GCC2: variants seen among roughly 807,000 people sequenced by gnomAD.
GCC2 encodes GRIP and coiled-coil domain-containing protein 2.
In GCC2, 120 loss-of-function variants were observed where a neutral mutation model predicts 210.6. That is an observed-to-expected ratio of 0.57 (90% CI 0.49 to 0.66). GCC2 has a LOEUF of 0.66. Among genes scored for constraint, GCC2 ranks in the 30% least tolerant of loss-of-function variants. The probability of loss-of-function intolerance (pLI) is 0.00; values close to 1 mark genes in which losing one functional copy is unlikely to be tolerated. For missense variants in GCC2, 1,868 were observed against 1,871.9 expected (o/e 1.00, Z 0.04); for synonymous variants, 703 against 652.7 (o/e 1.08, Z -1.17).
chr2:108,470,178 A>G lies in GCC2; in HGVS notation c.849A>G (p.Gln283=). 1 of 1,613,498 alleles carries G rather than the reference A, an allele frequency of 6.2e-7. No homozygotes were observed. The highest frequency in any genetic ancestry group is 8.5e-7 in the Non-Finnish European group (1 of 1,179,810). Residue 283 remains glutamine (Q), a synonymous_variant, in exon 6 of 23, where the codon CAA becomes CAG. Transcript: ENST00000309863. ...AGCTAAAAGAGAACTTAGTAAAACAATGTGAGGCAAGTGAAAAGAACATCC... is the reference window on the plus strand; with the variant it reads ...AGCTAAAAGAGAACTTAGTAAAACAGTGTGAGGCAAGTGAAAAGAACATCC... ...LNELKENLVK[Q]CEASEKNIQK...
At chr2:108,476,857 T>C (rs1054764804) in intron 9 of GCC2, among the ~76,000 whole-genome samples, 3 of 151,788 alleles carry the variant, frequency 2.0e-5, no homozygotes, top group Non-Finnish European at 4.4e-5. Flanking sequence ...ATACATACTG[T>C]GTAGAAAAGT....
chr2:108,473,776 GATGTTAGA>G (rs1483288267), intron 7 of GCC2, among the ~76,000 whole-genome samples: 1 of 152,100 alleles, frequency 6.6e-6, no homozygotes, highest in African/African-American at 2.4e-5. Context: ...TCCAAGTAAA[GATGTTAGA>G]ATGCTATGCA....
rs1681875611 is a variant in GCC2 at position 108,481,912 on chromosome 2, C to T, written c.3180+96C>T. On this transcript the variant is annotated intron_variant, in intron 10 of 22. Transcript: ENST00000309863. ...AAAATTTAAAAAATATAGTCGGAAA[C>T]AGAATTTATTCCCCCCCCACTTTAC... 5 of 881,820 alleles carry T rather than the reference C, an allele frequency of 5.7e-6. No individual in the cohort carries two copies. The African/African-American group carries it at 8.6e-5, about 15-fold the overall frequency. 54.6% of individuals were successfully genotyped at this position (881,820 alleles called of 1,614,324 possible). A position where few individuals can be genotyped will look rare whatever the true frequency, so the allele number is the denominator to read the frequency against.
intron 4 of GCC2, among the ~76,000 whole-genome samples, chr2:108,455,468 C>T (rs1199813570): frequency 6.6e-6 from 1 of 151,874 alleles, no homozygotes; most frequent in East Asian, 1.9e-4. Context: ...CCAAGTTAGC[C>T]AACTTTACCT....
chr2:108,454,580 A>G (rs775692335), intron 4 of GCC2, among the ~76,000 whole-genome samples: 5 of 152,230 alleles, frequency 3.3e-5, no homozygotes, highest in Non-Finnish European at 7.3e-5. Flanking sequence ...CAGTACAACT[A>G]TATGTTAATT....
intron 17 of GCC2, among the ~76,000 whole-genome samples, chr2:108,488,526 C>T (rs1682255944): frequency 6.6e-6 from 1 of 152,152 alleles, no homozygotes; most frequent in African/African-American, 2.4e-5. Context: ...ATTAATTTAG[C>T]TAAACAGAAG....
rs1386969618 is a variant in GCC2, at chr2:108,470,125, C to A, written c.796C>A (p.His266Asn). ...MCQIEASAKEHEAEINKLNEL... is the reference protein window; with the variant it reads ...MCQIEASAKENEAEINKLNEL... Reference sequence around the variant, plus strand: ...CCAGATTGAAGCATCAGCTAAGGAACATGAAGCAGAGATAAATAAGTTGAA... The same window carrying A: ...CCAGATTGAAGCATCAGCTAAGGAAAATGAAGCAGAGATAAATAAGTTGAA... Residue 266 changes from histidine (H) to asparagine (N), a missense_variant, in exon 6 of 23, where the codon CAT becomes AAT. By Grantham distance (68) the His-to-Asn change is moderately conservative. Coordinates refer to ENST00000309863, the MANE Select transcript of GCC2 (RefSeq NM_181453.4). The A allele has an allele frequency of 2.5e-6, 4 of 1,613,508 alleles. No individual in the cohort carries two copies. The highest frequency in any genetic ancestry group is 3.4e-6 in the Non-Finnish European group (4 of 1,179,820).
intron 9 of GCC2, among the ~76,000 whole-genome samples, chr2:108,476,054 CTTTTTTTTTTTT>C (rs56236751): frequency 2.4e-4 from 23 of 96,310 alleles, no homozygotes; most frequent in African/African-American, 3.8e-4. Flanking sequence ...TAGTGGCTTG[CTTTTTTTTTTTT>C]TTTTTTTTTT....
chr2:108,456,948 TAA>T (rs59458748), intron 4 of GCC2, among the ~76,000 whole-genome samples: 155 of 133,658 alleles, frequency 1.2e-3, no homozygotes, highest in East Asian at 2.6e-3. Context: ...AGCCCTTACA[TAA>T]AAAAAAAAAA....
At position 108,500,632 on chromosome 2, in the gene GCC2, T is replaced by G. The variant is rs574310311; in HGVS notation, c.4984+878T>G. ...AATGCTTCATATACAACTGCTATAGTTAACTGAATTCAAGCTGCATCTTAA... is the reference window on the plus strand; with the variant it reads ...AATGCTTCATATACAACTGCTATAGGTAACTGAATTCAAGCTGCATCTTAA... On this transcript the variant is annotated intron_variant, in intron 22 of 22. Transcript: ENST00000309863. 3.3e-5 allele frequency among the ~76,000 whole-genome samples: 5 copies of G among 152,386 alleles called. No individual in the cohort carries two copies. The South Asian group carries it at 1.0e-3, about 32-fold the overall frequency.
chr2:108,465,474 C>A (rs1229647375), intron 4 of GCC2, among the ~76,000 whole-genome samples: 3 of 152,170 alleles, frequency 2.0e-5, no homozygotes, highest in African/African-American at 7.2e-5. Context: ...ATTATACCTA[C>A]TGTGTAGTTT....
chr2:108,452,064 G>A (rs994409335), intron 3 of GCC2, among the ~76,000 whole-genome samples: 4 of 151,872 alleles, frequency 2.6e-5, no homozygotes, highest in Non-Finnish European at 5.9e-5. Flanking sequence ...GGCTGTTCTC[G>A]ATAACGTTTA....
chr2:108,476,810 C>T (rs913424310), intron 9 of GCC2, among the ~76,000 whole-genome samples: 1 of 151,850 alleles, frequency 6.6e-6, no homozygotes, highest in Non-Finnish European at 1.5e-5. Context: ...TAAAAAAATC[C>T]CAATGGCAAT....
At chr2:108,505,681 C>T (rs1410477068) in intron 22 of GCC2, among the ~76,000 whole-genome samples, 1 of 151,790 alleles carries the variant, frequency 6.6e-6, no homozygotes, top group Non-Finnish European at 1.5e-5. Context: ...GAAGTAGATT[C>T]TTCTCCAGTC....
At chr2:108,494,387 A>C (rs1009345298) in intron 19 of GCC2, 4 of 152,156 alleles carry the variant, frequency 2.6e-5, no homozygotes, top group African/African-American at 9.7e-5. Context: ...AAAAAAAAAA[A>C]CACTATACAG....
intron 6 of GCC2, among the ~76,000 whole-genome samples, chr2:108,472,404 TA>T: frequency 6.6e-6 from 1 of 152,192 alleles, no homozygotes; most frequent in East Asian, 1.9e-4. Flanking sequence ...GCAAAACAAC[TA>T]AACATGGAAA....
At position 108,508,650 on chromosome 2, in the gene GCC2, A is replaced by AGT. The variant is rs1186100682; in HGVS notation, c.*1023_*1024dup. The AGT allele has an allele frequency of 3.3e-5, 5 of 152,346 alleles. No homozygotes were observed. Among genetic ancestry groups the AGT allele is most frequent in the Non-Finnish European group, 7.4e-5 (5 of 67,952 alleles). The allele number at this position is 152,346 out of a possible 1,614,324, so 9.4% of individuals were successfully genotyped here. A position where few individuals can be genotyped will look rare whatever the true frequency, so the allele number is the denominator to read the frequency against. On this transcript the variant is annotated 3_prime_UTR_variant, in exon 23 of 23. Transcript: ENST00000309863. ...GGTGCTTTCAGTGTTTTTGGCAGAT[A>AGT]GTGTTCCATAAGCTTTCCATCAGAA... is the stretch of plus-strand genomic sequence containing the variant.
At chr2:108,458,247 G>T (rs1039848001) in intron 4 of GCC2, among the ~76,000 whole-genome samples, 4 of 151,916 alleles carry the variant, frequency 2.6e-5, no homozygotes, top group African/African-American at 9.7e-5. Context: ...AACCATCCTT[G>T]CATCCCTCGA....
At chr2:108,473,875 C>T (rs989253398) in intron 7 of GCC2, among the ~76,000 whole-genome samples, 19 of 151,986 alleles carry the variant, frequency 1.3e-4, no homozygotes, top group Non-Finnish European at 2.8e-4. Flanking sequence ...CAGGAGAGGC[C>T]GAGTGCGGTG....
Sources: gnomAD v4.1 joint callset for allele counts (sites outside exome capture counted in the v4.1 genomes callset) on GRCh38, gnomAD v4.1.1 for gene constraint, MANE v1.5 for transcripts, NCBI Gene and HGNC (gene_info 2026-07-23, HGNC 2026-07-21) for gene names.